The following PRMT3 variants were observed in gnomAD, a reference collection of about 807,000 sequenced individuals.
PRMT3 encodes protein arginine methyltransferase 3, also known as protein arginine N-methyltransferase 3.
A neutral mutation model predicts 71.9 loss-of-function variants in PRMT3; 62 were observed. That is an observed-to-expected ratio of 0.86 (90% CI 0.70 to 1.07). PRMT3 has a LOEUF of 1.07. Among genes scored for constraint, PRMT3 ranks in the 50% least tolerant of loss-of-function variants. The probability of loss-of-function intolerance (pLI) is 0.00; values close to 1 mark genes in which losing one functional copy is unlikely to be tolerated. For synonymous variants in PRMT3, 213 were observed against 220.4 expected, an observed-to-expected ratio of 0.97 and a Z score of 0.30; for missense variants, 663 against 643.0, an observed-to-expected ratio of 1.03 and a Z score of -0.34.
chr11:20,464,625 C>T, intron 13 of PRMT3, 79 bp downstream of exon 13: 1 of 1,563,138 alleles, frequency 6.4e-7, no homozygotes, highest in Non-Finnish European at 8.6e-7. Context: ...AATTACCAGG[C>T]TTGTGACAAA....
chr11:20,419,761 C>T (rs1030904173), intron 9 of PRMT3, among the ~76,000 whole-genome samples: 1 of 152,130 alleles, frequency 6.6e-6, no homozygotes, highest in African/African-American at 2.4e-5. Context: ...TATCAAGAAT[C>T]AAGCATCATT....
At chr11:20,451,570 C>A (rs929794816) in intron 10 of PRMT3, among the ~76,000 whole-genome samples, 2 of 151,852 alleles carry the variant, frequency 1.3e-5, no homozygotes, top group Non-Finnish European at 2.9e-5. Flanking sequence ...ACTAGAGTTT[C>A]TCAACCTTAG....
Position 20,415,882 on chromosome 11 carries a change from G to A in PRMT3, c.893+7850G>A, listed in dbSNP as rs1849294174. ...AGTTTGATCAAGAATCATTGCCATG[G>A]CTATAGAGATCTAAGCAAGAACTGA... On this transcript the variant is annotated intron_variant, in intron 9 of 15. Coordinates refer to ENST00000331079, the MANE Select transcript of PRMT3 (RefSeq NM_005788.4). Among the ~76,000 whole-genome samples the A allele has an allele frequency of 2.0e-5, 3 of 152,088 alleles. No homozygotes were observed. The South Asian group carries it at 6.2e-4, about 32-fold the overall frequency.
chr11:20,398,596 G>T (rs1015568408), intron 7 of PRMT3, among the ~76,000 whole-genome samples: 1 of 152,184 alleles, frequency 6.6e-6, no homozygotes, highest in African/African-American at 2.4e-5. Context: ...GGGACTACAG[G>T]TGCCCGCCAC....
At chr11:20,434,947 C>A (rs1450056027) in intron 10 of PRMT3, among the ~76,000 whole-genome samples, 1 of 152,182 alleles carries the variant, frequency 6.6e-6, no homozygotes, top group Non-Finnish European at 1.5e-5. Context: ...ATAGGAATAA[C>A]ATTGAATCTA....
intron 7 of PRMT3, among the ~76,000 whole-genome samples, chr11:20,398,231 A>C (rs1848873961): frequency 6.6e-6 from 1 of 152,176 alleles, no homozygotes; most frequent in Admixed American, 6.5e-5. Flanking sequence ...CAGTGTTTTA[A>C]ATAGCCATAC....
chr11:20,497,047 CT>C (rs911283533), intron 15 of PRMT3, among the ~76,000 whole-genome samples: 3 of 152,024 alleles, frequency 2.0e-5, no homozygotes, highest in Non-Finnish European at 2.9e-5. Context: ...GAAAATGTTG[CT>C]TTTTTTTCTT....
intron 10 of PRMT3, among the ~76,000 whole-genome samples, chr11:20,429,659 G>A (rs1465305996): frequency 6.6e-6 from 1 of 152,154 alleles, no homozygotes; most frequent in Non-Finnish European, 1.5e-5. Context: ...TCACCACAAA[G>A]GTGTTACTTA....
chr11:20,469,744 G>A (rs1289032278), intron 13 of PRMT3, among the ~76,000 whole-genome samples: 2 of 152,006 alleles, frequency 1.3e-5, no homozygotes, highest in East Asian at 1.9e-4. Flanking sequence ...ATGAATATTC[G>A]ACCTGTAAAG....
rs534730953 is a variant in PRMT3, at chr11:20,392,933, C to G, written c.334C>G (p.Pro112Ala). The change falls in exon 5 of 16, where the codon CCA becomes GCA. Residue 112 changes from proline (P) to alanine (A), a missense_variant. Physicochemically the swap from Pro to Ala is conservative, Grantham distance 27. Transcript: ENST00000331079. The stretch of plus-strand genomic sequence containing the variant: ...TGAGTACATGAATTCCATATACAAC[C>G]CAGTGCCTTGGGAGAAAGAAGAGTA... Reference protein sequence around the residue: ...TVEYMNSIYNPVPWEKEEYLK... With the variant: ...TVEYMNSIYNAVPWEKEEYLK... The G allele has an allele frequency of 2.6e-4, 414 of 1,605,938 alleles. No homozygotes were observed. The South Asian group carries it at 4.4e-3, about 17-fold the overall frequency.
chr11:20,412,145 C>T (rs1849207330), intron 9 of PRMT3, among the ~76,000 whole-genome samples: 1 of 152,082 alleles, frequency 6.6e-6, no homozygotes, highest in Admixed American at 6.6e-5. Context: ...TCCTAGTTTT[C>T]TTTTCAGATG....
intron 13 of PRMT3, among the ~76,000 whole-genome samples, chr11:20,492,305 G>T (rs1851227049): frequency 6.6e-6 from 1 of 152,158 alleles, no homozygotes; most frequent in South Asian, 2.1e-4. Context: ...CTGTGAAGGG[G>T]TATCATAAGT....
rs750806744 is a variant in PRMT3, at chr11:20,395,821, A to G, written c.419A>G (p.Glu140Gly). 33 of 1,611,808 alleles carry G rather than the reference A, an allele frequency of 2.0e-5. No individual in the cohort carries two copies. The South Asian group carries it at 3.7e-4, about 18-fold the overall frequency. ...TCTTTAGATGTAGAAGATCTTTATG[A>G]ACCGGTGTCAGTACCCTTCTCATAC... ...LLQFDVEDLYEPVSVPFSYPN... is the reference protein window; with the variant it reads ...LLQFDVEDLYGPVSVPFSYPN... Residue 140 changes from glutamate to glycine, a missense_variant, in exon 6 of 16, where the codon GAA (glutamate) becomes GGA (glycine). By Grantham distance (98) the Glu-to-Gly change is moderately conservative. Transcript: ENST00000331079.
chr11:20,440,876 CAG>C lies in PRMT3; in HGVS notation c.994-11251_994-11250del, dbSNP rs1321896609. On this transcript the variant is annotated intron_variant, in intron 10 of 15. Coordinates refer to ENST00000331079, the MANE Select transcript of PRMT3 (RefSeq NM_005788.4). Reference sequence around the variant, plus strand: ...GTGGCAGGTCCTTTCGTCCTTTTAACAGAGTCTTTCATAGAGCAAAAGTTTTT... The same window carrying C: ...GTGGCAGGTCCTTTCGTCCTTTTAACAGTCTTTCATAGAGCAAAAGTTTTT... 5.3e-5 allele frequency among the ~76,000 whole-genome samples: 8 copies of C among 152,110 alleles called. No homozygotes were observed. The South Asian group carries it at 8.3e-4, about 16-fold the overall frequency.
chr11:20,503,283 C>T (rs1005690646), intron 15 of PRMT3, among the ~76,000 whole-genome samples: 2 of 152,100 alleles, frequency 1.3e-5, no homozygotes, highest in African/African-American at 4.8e-5. Context: ...ACTTAAAATG[C>T]TCCACTTACT....
intron 7 of PRMT3, 105 bp downstream of exon 7, chr11:20,397,826 G>C: frequency 2.5e-6 from 3 of 1,202,842 alleles, no homozygotes; most frequent in Non-Finnish European, 3.4e-6. Flanking sequence ...TTTTTGGGTG[G>C]GGAGAACTGC....
Position 20,425,470 on chromosome 11 carries a change from T to C in PRMT3, c.894-1296T>C, listed in dbSNP as rs910359897. Among the ~76,000 whole-genome samples the C allele has an allele frequency of 3.3e-5, 5 of 152,224 alleles. No homozygotes were observed. In the East Asian group the frequency reaches 9.6e-4, roughly 29 times the overall value. The stretch of plus-strand genomic sequence containing the variant: ...ATGTTTATACCAGCTTTATTCATTA[T>C]GGTCCAAAGCTAGAAGCAATCCAGA... On this transcript the variant is annotated intron_variant, in intron 9 of 15. Transcript: ENST00000331079.
At chr11:20,496,082 T>C (rs1027684015) in intron 15 of PRMT3, among the ~76,000 whole-genome samples, 2 of 152,220 alleles carry the variant, frequency 1.3e-5, no homozygotes, top group East Asian at 1.9e-4. Context: ...CCTAGGCATG[T>C]ATTCTAAACA....
Position 20,462,155 on chromosome 11 carries a change from T to G in PRMT3, c.1248T>G (p.Pro416=). 1 of 1,605,540 alleles carries G rather than the reference T, an allele frequency of 6.2e-7. No individual in the cohort carries two copies. The highest frequency in any genetic ancestry group is 8.5e-7 in the Non-Finnish European group (1 of 1,174,124). Residue 416 remains proline (P), a synonymous_variant, in exon 12 of 16, where the codon CCT becomes CCG. Transcript: ENST00000331079. The part of the protein sequence containing the change: ...VLDPKTLISE[P]CGIKHIDCHT... Reference sequence around the variant, plus strand: ...ATCCGAAGACTCTTATTTCAGAACCTTGTGGTATTAAGGTAGGTGTTTTAC... The same window carrying G: ...ATCCGAAGACTCTTATTTCAGAACCGTGTGGTATTAAGGTAGGTGTTTTAC...
Sources: allele counts gnomAD v4.1 joint callset (sites outside exome capture counted in the v4.1 genomes callset), GRCh38; gene constraint gnomAD v4.1.1; transcripts MANE v1.5; gene names NCBI Gene and HGNC (gene_info 2026-07-23, HGNC 2026-07-21).